RREB1: variants seen among roughly 807,000 people sequenced by gnomAD.
RREB1 encodes ras-responsive element-binding protein 1.
In RREB1, 27 loss-of-function variants were observed where a neutral mutation model predicts 117.8. The observed-to-expected ratio is 0.23, with a 90% CI of 0.17 to 0.32. The LOEUF (loss-of-function observed/expected upper bound fraction) is 0.32, where lower values mean the gene tolerates loss of function less well. Ranked by LOEUF, RREB1 falls within the 10% of genes least tolerant of loss-of-function variation. The probability of loss-of-function intolerance (pLI) is 1.00; values close to 1 mark genes in which losing one functional copy is unlikely to be tolerated. For missense variants in RREB1, 2,577 were observed against 2,378.2 expected, an observed-to-expected ratio of 1.08 and a Z score of -1.74; for synonymous variants, 1,298 against 1,026.7, an observed-to-expected ratio of 1.26 and a Z score of -5.05.
intron 1 of RREB1, among the ~76,000 whole-genome samples, chr6:7,144,212 A>C (rs1581444838): frequency 6.6e-6 from 1 of 152,136 alleles, no homozygotes; most frequent in East Asian, 1.9e-4. Flanking sequence ...TTTAGAACTT[A>C]AGATCTTAAA....
chr6:7,179,153 A>AT (rs1204477318), intron 2 of RREB1, among the ~76,000 whole-genome samples: 2 of 152,036 alleles, frequency 1.3e-5, no homozygotes, highest in African/African-American at 2.4e-5. Flanking sequence ...TAGAATTAGA[A>AT]TTTTTTTTAT....
intron 1 of RREB1, among the ~76,000 whole-genome samples, chr6:7,157,473 A>T (rs868727387): frequency 1.2e-4 from 18 of 151,498 alleles, no homozygotes; most frequent in Admixed American, 8.5e-4. Flanking sequence ...GTGCACATGT[A>T]CCCTGTGTGA....
intron 6 of RREB1, among the ~76,000 whole-genome samples, chr6:7,205,693 A>G (rs1766232662): frequency 2.0e-5 from 3 of 152,186 alleles, no homozygotes; most frequent in Admixed American, 1.3e-4. Flanking sequence ...GTCAGCTTTT[A>G]GGGATTGGTC....
At chr6:7,191,484 T>G (rs565550195) in intron 6 of RREB1, among the ~76,000 whole-genome samples, 1 of 152,308 alleles carries the variant, frequency 6.6e-6, no homozygotes, top group Non-Finnish European at 1.5e-5. Flanking sequence ...GGTAGACACT[T>G]AGGAATGGAA....
At chr6:7,117,858 T>G (rs1177155521) in intron 1 of RREB1, among the ~76,000 whole-genome samples, 4 of 152,028 alleles carry the variant, frequency 2.6e-5, no homozygotes, top group Non-Finnish European at 5.9e-5. Context: ...ATTACAGGTA[T>G]GAGGTATGAG....
intron 10 of RREB1, among the ~76,000 whole-genome samples, chr6:7,237,817 G>A (rs1768435196): frequency 6.6e-6 from 1 of 152,224 alleles, no homozygotes; most frequent in African/African-American, 2.4e-5. Flanking sequence ...GCAGTGAAAT[G>A]TGAGCTTCTA....
intron 11 of RREB1, among the ~76,000 whole-genome samples, chr6:7,246,172 C>T (rs1241532640): frequency 2.0e-5 from 3 of 152,214 alleles, no homozygotes; most frequent in East Asian, 1.9e-4. Flanking sequence ...GCCAGGGGTT[C>T]AGGGGCACAG....
At chr6:7,196,267 A>G (rs1157072500) in intron 6 of RREB1, among the ~76,000 whole-genome samples, 4 of 143,568 alleles carry the variant, frequency 2.8e-5, no homozygotes, top group African/African-American at 7.8e-5. Flanking sequence ...TCGGCCTCAC[A>G]ACACAGACTC....
At chr6:7,172,604 G>A (rs924310721) in intron 1 of RREB1, among the ~76,000 whole-genome samples, 5 of 152,008 alleles carry the variant, frequency 3.3e-5, no homozygotes, top group Non-Finnish European at 7.4e-5. Context: ...AGAGTTGGAC[G>A]AAGCAGCTCA....
Position 7,230,886 on chromosome 6 carries a change from C to T in RREB1, c.2787C>T (p.Asp929=), listed in dbSNP as rs768005855. 4 of 1,614,196 alleles carry T rather than the reference C, an allele frequency of 2.5e-6. No individual in the cohort carries two copies. Among genetic ancestry groups the T allele is most frequent in the Non-Finnish European group, 2.5e-6 (3 of 1,180,020 alleles). Residue 929 remains aspartate (D), a synonymous_variant, in exon 10 of 13, where the codon GAC becomes GAT. Transcript: ENST00000379938. ...FLSPSSLVPY[D]CSMEPIDLSI... The stretch of plus-strand genomic sequence containing the variant: ...GCCCTTCTTCCCTGGTCCCCTATGA[C>T]TGCTCCATGGAGCCCATCGACCTGT...
intron 10 of RREB1, among the ~76,000 whole-genome samples, chr6:7,239,339 T>C (rs1768540737): frequency 6.6e-6 from 1 of 152,126 alleles, no homozygotes; most frequent in Admixed American, 6.5e-5. Context: ...AAGGGAGGAA[T>C]TCAGTGATAC....
intron 1 of RREB1, among the ~76,000 whole-genome samples, chr6:7,138,032 A>T (rs1581434566): frequency 6.6e-6 from 1 of 152,218 alleles, no homozygotes; most frequent in South Asian, 2.1e-4. Flanking sequence ...CTATCACTGC[A>T]AAAAGCATTA....
intron 6 of RREB1, among the ~76,000 whole-genome samples, chr6:7,202,425 C>T (rs1207170596): frequency 2.0e-5 from 3 of 152,198 alleles, no homozygotes; most frequent in African/African-American, 7.2e-5. Flanking sequence ...CCCGTGACTT[C>T]AGCACTTCCC....
chr6:7,180,386 C>T (rs940443813), intron 2 of RREB1, among the ~76,000 whole-genome samples: 2 of 152,314 alleles, frequency 1.3e-5, no homozygotes, highest in South Asian at 2.1e-4. Flanking sequence ...TGTTCCTACA[C>T]GTTCTCTTTA....
chr6:7,130,928 T>C (rs1431723386), intron 1 of RREB1, among the ~76,000 whole-genome samples: 1 of 113,178 alleles, frequency 8.8e-6, no homozygotes, highest in Non-Finnish European at 1.7e-5. Flanking sequence ...AATAGTCATG[T>C]CTTTTTTTTT....
intron 1 of RREB1, among the ~76,000 whole-genome samples, chr6:7,120,723 T>C (rs186947797): frequency 6.6e-6 from 1 of 150,790 alleles, no homozygotes; most frequent in East Asian, 2.0e-4. Flanking sequence ...CAGGGTGGAG[T>C]GCAGCCTCGA....
intron 11 of RREB1, among the ~76,000 whole-genome samples, chr6:7,242,024 G>A (rs1330137378): frequency 3.9e-5 from 6 of 152,168 alleles, no homozygotes; most frequent in Non-Finnish European, 5.9e-5. Context: ...ACCATCAGCC[G>A]CCACATTACC....
intron 6 of RREB1, among the ~76,000 whole-genome samples, chr6:7,208,822 G>T (rs1242952365): frequency 6.6e-6 from 1 of 152,218 alleles, no homozygotes; most frequent in Non-Finnish European, 1.5e-5. Context: ...AAGTGTCCAG[G>T]TTCAGGTTAT....
intron 1 of RREB1, among the ~76,000 whole-genome samples, chr6:7,128,323 T>C (rs1201952919): frequency 6.6e-6 from 1 of 152,130 alleles, no homozygotes; most frequent in African/African-American, 2.4e-5. Context: ...CAGGAGGAAG[T>C]AGGATTCTGG....
Sources: allele counts gnomAD v4.1 joint callset (sites outside exome capture counted in the v4.1 genomes callset), GRCh38; gene constraint gnomAD v4.1.1; transcripts MANE v1.5; gene names NCBI Gene and HGNC (gene_info 2026-07-23, HGNC 2026-07-21).